The following TNN variants were observed in gnomAD, a reference collection of about 807,000 sequenced individuals.
The protein encoded by TNN is tenascin N.
TNN carries 122 observed loss-of-function variants against 134.4 expected under a neutral mutation model. That is an observed-to-expected ratio of 0.91 (90% CI 0.78 to 1.06). The LOEUF (loss-of-function observed/expected upper bound fraction) is 1.06. Ranked by LOEUF, TNN falls within the 50% of genes least tolerant of loss-of-function variation. The pLI is 0.00. For missense variants in TNN, 1,739 were observed against 1,699.4 expected, an observed-to-expected ratio of 1.02 and a Z score of -0.41; for synonymous variants, 710 against 670.3, an observed-to-expected ratio of 1.06 and a Z score of -0.91.
At chr1:175,132,482 A>G (rs1027622950) in intron 15 of TNN, among the ~76,000 whole-genome samples, 2 of 152,240 alleles carry the variant, frequency 1.3e-5, no homozygotes, top group African/African-American at 2.4e-5. Context: ...CATTTTTAAA[A>G]GATGGATACT....
chr1:175,072,324 T>C (rs1673933056), intron 1 of TNN, among the ~76,000 whole-genome samples: 1 of 152,222 alleles, frequency 6.6e-6, no homozygotes, highest in Non-Finnish European at 1.5e-5. Flanking sequence ...CAATGATTCT[T>C]GGGGACAACT....
At chr1:175,125,656 T>G (rs1442070771) in intron 12 of TNN, among the ~76,000 whole-genome samples, 1 of 135,388 alleles carries the variant, frequency 7.4e-6, no homozygotes, top group African/African-American at 2.7e-5. Context: ...TCTCCTTCCT[T>G]CCTTCCTTCT....
In TNN at chr1:175,104,189, C is replaced by G. The variant is rs182522194; in HGVS notation, c.2119+5594C>G. Among the ~76,000 whole-genome samples, 194 of 146,022 alleles carry G rather than the reference C, an allele frequency of 1.3e-3. 12 individuals are homozygous for G. The highest frequency in any genetic ancestry group is 4.7e-3 in the African/African-American group (191 of 40,562). On this transcript the variant is annotated intron_variant, in intron 9 of 18. Coordinates refer to ENST00000239462, the MANE Select transcript of TNN (RefSeq NM_022093.2). ...CAGGATTCCTCGGATGGTAACAGAC[C>G]TTGAGGACAGTTGTCTAGGACAGGA... is the stretch of plus-strand genomic sequence containing the variant.
chr1:175,079,233 GGGCTAA>G, intron 2 of TNN, 94 bp from the exon 3 acceptor site: 1 of 1,388,602 alleles, frequency 7.2e-7, no homozygotes, highest in Non-Finnish European at 9.5e-7. Flanking sequence ...CTTAAGAGTG[GGGCTAA>G]TGATTTCTGG....
chr1:175,090,215 G>A (rs530803455), intron 6 of TNN, among the ~76,000 whole-genome samples: 10 of 152,298 alleles, frequency 6.6e-5, no homozygotes, highest in African/African-American at 1.7e-4. Flanking sequence ...ACTTAGGTTC[G>A]CTTGAAATCA....
rs917680458 is a variant in TNN, at chr1:175,128,220, G to T, written c.3178+56G>T. 6 of 1,495,710 alleles carry T rather than the reference G, an allele frequency of 4.0e-6. No individual in the cohort carries two copies. In the African/African-American group the frequency reaches 7.0e-5, roughly 17 times the overall value. The allele number at this position is 1,495,710 out of a possible 1,614,324, so 92.7% of individuals were successfully genotyped here. A position where few individuals can be genotyped will look rare whatever the true frequency, so the allele number is the denominator to read the frequency against. On this transcript the variant is annotated intron_variant, in intron 14 of 18. Coordinates refer to ENST00000239462, the MANE Select transcript of TNN (RefSeq NM_022093.2). ...GTGCAATGAGAACCAGCACCGGAAAGCCTAGCAAAGGAGTCCAGGGAGGAG... is the reference window on the plus strand; with the variant it reads ...GTGCAATGAGAACCAGCACCGGAAATCCTAGCAAAGGAGTCCAGGGAGGAG...
At chr1:175,083,971 T>A (rs983725138) in intron 5 of TNN, 36 bp downstream of exon 5, 7 of 1,603,534 alleles carry the variant, frequency 4.4e-6, no homozygotes, top group Non-Finnish European at 6.0e-6. Context: ...ATGTATGCTG[T>A]GGATGCAGAG....
chr1:175,127,871 A>G (rs1020349771), intron 13 of TNN, among the ~76,000 whole-genome samples, 161 bp from the exon 14 acceptor site: 1 of 152,138 alleles, frequency 6.6e-6, no homozygotes, highest in Admixed American at 6.5e-5. Flanking sequence ...AGTGGCTGGG[A>G]CCCACTGCGA....
At chr1:175,109,678 T>C (rs1284347075) in intron 9 of TNN, among the ~76,000 whole-genome samples, 1 of 148,818 alleles carries the variant, frequency 6.7e-6, no homozygotes, top group Non-Finnish European at 1.5e-5. Flanking sequence ...ATATATTATA[T>C]ATATATATAC....
chr1:175,080,317 GCA>G lies in TNN; in HGVS notation c.942_943del (p.His314GlnfsTer3). 1 of 1,614,120 alleles carries G rather than the reference GCA, an allele frequency of 6.2e-7. No homozygotes were observed. Among genetic ancestry groups the G allele is most frequent in the Non-Finnish European group, 8.5e-7 (1 of 1,180,008 alleles). On this transcript the variant is annotated frameshift_variant, in exon 4 of 19. Coordinates refer to ENST00000239462, the MANE Select transcript of TNN (RefSeq NM_022093.2). LOFTEE classifies it high-confidence loss of function. ...GKQIQVPKEQHSYEILGLLPG... is the reference protein window; with the variant it reads ...GKQIQVPKEQXSYEILGLLPG... The stretch of plus-strand genomic sequence containing the variant: ...AGCAGATCCAAGTGCCCAAGGAGCA[GCA>G]CAGCTATGAGATTCTTGGTTTGCTG...
At chr1:175,094,761 C>T (rs113796160) in intron 7 of TNN, among the ~76,000 whole-genome samples, 3 of 152,320 alleles carry the variant, frequency 2.0e-5, no homozygotes, top group Admixed American at 6.5e-5. Flanking sequence ...GCTCAGTTTG[C>T]GCCTGCAGGG....
In TNN at chr1:175,117,128, G is replaced by GT; in HGVS notation, c.2310dup (p.Val771CysfsTer20). 1 of 1,614,286 alleles carries GT rather than the reference G, an allele frequency of 6.2e-7. No individual in the cohort carries two copies. Among genetic ancestry groups the GT allele is most frequent in the Non-Finnish European group, 8.5e-7 (1 of 1,180,056 alleles). On this transcript the variant is annotated frameshift_variant, in exon 10 of 19. Coordinates refer to ENST00000239462, the MANE Select transcript of TNN (RefSeq NM_022093.2). LOFTEE classifies it high-confidence loss of function. The stretch of plus-strand genomic sequence containing the variant: ...ACTGTCCTGACGGGCCTGAGGCCGG[G>GT]TGTGGAGTACACGGTGCACGTGTGG...
At chr1:175,119,658 A>G (rs571797356) in intron 11 of TNN, among the ~76,000 whole-genome samples, 30 of 101,278 alleles carry the variant, frequency 3.0e-4, no homozygotes, top group African/African-American at 1.2e-3. Flanking sequence ...TTTTTTTGAG[A>G]CAGTCTTGCC....
At chr1:175,109,108 G>C (rs1382323687) in intron 9 of TNN, among the ~76,000 whole-genome samples, 2 of 55,988 alleles carry the variant, frequency 3.6e-5, no homozygotes, top group African/African-American at 2.1e-4. Context: ...TTGAGACGGA[G>C]TCTCGCTCTG....
intron 4 of TNN, among the ~76,000 whole-genome samples, chr1:175,081,467 G>A (rs1199630698): frequency 5.3e-5 from 8 of 152,112 alleles, no homozygotes; most frequent in Admixed American, 4.6e-4. Flanking sequence ...AAACTTCTAG[G>A]GAAAGATCTA....
At chr1:175,145,156 G>T (rs557884470) in intron 18 of TNN, among the ~76,000 whole-genome samples, 2 of 152,144 alleles carry the variant, frequency 1.3e-5, no homozygotes, top group East Asian at 1.9e-4. Flanking sequence ...TCATGTTGGT[G>T]GGGGGTGGTT....
chr1:175,144,708 G>C (rs1431311504), intron 18 of TNN, among the ~76,000 whole-genome samples, 158 bp downstream of exon 18: 7 of 152,224 alleles, frequency 4.6e-5, no homozygotes, highest in Non-Finnish European at 8.8e-5. Context: ...TGAGGTCGTG[G>C]CCTCCCTTCC....
intron 6 of TNN, among the ~76,000 whole-genome samples, chr1:175,089,707 G>A (rs1674397755): frequency 6.6e-6 from 1 of 152,174 alleles, no homozygotes; most frequent in Non-Finnish European, 1.5e-5. Flanking sequence ...AACAAAGCAT[G>A]CTTGCTTTGT....
At chr1:175,126,760 T>G (rs1053098304) in intron 12 of TNN, among the ~76,000 whole-genome samples, 195 bp from the exon 13 acceptor site, 1 of 152,114 alleles carries the variant, frequency 6.6e-6, no homozygotes, top group African/African-American at 2.4e-5. Context: ...TCTTCTTGTC[T>G]CTAATGGGTC....
Sources: gnomAD v4.1 joint callset for allele counts (sites outside exome capture counted in the v4.1 genomes callset) on GRCh38, gnomAD v4.1.1 for gene constraint, MANE v1.5 for transcripts, NCBI Gene and HGNC (gene_info 2026-07-23, HGNC 2026-07-21) for gene names.